The following ZNF208 variants were observed in gnomAD, a reference collection of about 807,000 sequenced individuals.
The protein encoded by ZNF208 is zinc finger protein 208, also known as zinc finger protein 95.
Under a neutral mutation model 12.1 loss-of-function variants are expected in ZNF208, and 10 were observed. The ratio of observed to expected loss-of-function variants is 0.83; its 90% CI spans 0.51 to 1.40. The LOEUF is 1.40. Ranked by LOEUF, ZNF208 falls within the 40% of genes most tolerant of loss-of-function variation. The probability of loss-of-function intolerance (pLI) is 0.00; values close to 1 mark genes in which losing one functional copy is unlikely to be tolerated. For synonymous variants in ZNF208, 497 were observed against 488.4 expected, an observed-to-expected ratio of 1.02 and a Z score of -0.23; for missense variants, 1,652 against 1,485.0, an observed-to-expected ratio of 1.11 and a Z score of -1.85.
At chr19:21,962,415 CTTT>C (rs1568438267), downstream of ZNF208, among the ~76,000 whole-genome samples, 1 of 151,806 alleles carries the variant, frequency 6.6e-6, no homozygotes, top group Non-Finnish European at 1.5e-5. Flanking sequence ...ATTTGGTCAG[CTTT>C]TTTTATATTT....
Position 22,010,724 on chromosome 19 carries a change from C to G in ZNF208, c.3+68G>C. ...CTGCGGGGAGGCCTGAGTCCCGCCA[C>G]AGCCACTTCCCACCGGTTCCAAGCA... On this transcript the variant is annotated intron_variant, in intron 1 of 3. Coordinates refer to ENST00000397126, the MANE Select transcript of ZNF208 (RefSeq NM_007153.3). 5 of 1,613,634 alleles carry G rather than the reference C, an allele frequency of 3.1e-6. No individual in the cohort carries two copies. The South Asian group carries it at 5.5e-5, about 18-fold the overall frequency.
chr19:21,971,961 C>T lies in ZNF208; in HGVS notation c.3073G>A (p.Gly1025Arg). Residue 1025 changes from glycine to arginine, a missense_variant, in exon 4 of 4, where the codon GGA becomes AGA. Around this residue, in one of 3 missense-constraint regions of ZNF208, gnomAD observed 1,239 missense variants for 1,086.2 expected, o/e 1.14. Coordinates refer to ENST00000397126, the MANE Select transcript of ZNF208 (RefSeq NM_007153.3). ...NLMEHKKIHT[G>R]ETPYKCEECD... ...TCTTCACATTTGTAGGGTGTCTCTC[C>T]AGTGTGAATTTTCTTATGTTCCATA... is the stretch of plus-strand genomic sequence containing the variant. 6.3e-7 allele frequency: 1 copy of T among 1,576,396 alleles called. No homozygotes were observed. Among genetic ancestry groups the T allele is most frequent in the African/African-American group, 1.4e-5 (1 of 73,258 alleles).
rs1470213929 is a variant in ZNF208, at chr19:21,968,633, T to C, written c.*2558A>G. ...ATTATTCCAATATTCACCCAGAATA[T>C]TGACCTGTACTTTCCTTTTTTTGTG... On this transcript the variant is annotated 3_prime_UTR_variant, in exon 4 of 4. Transcript: ENST00000397126. The C allele has an allele frequency of 3.3e-5, 5 of 152,152 alleles. No homozygotes were observed. Among genetic ancestry groups the C allele is most frequent in the Non-Finnish European group, 4.4e-5 (3 of 68,014 alleles). 9.4% of individuals were successfully genotyped at this position (152,152 alleles called of 1,614,324 possible).
intron 1 of ZNF208, among the ~76,000 whole-genome samples, chr19:21,994,303 C>T (rs1970791099): frequency 6.6e-6 from 1 of 152,160 alleles, no homozygotes; most frequent in Non-Finnish European, 1.5e-5. Flanking sequence ...TCCTATAATA[C>T]ATACTTTATA....
At chr19:21,948,036 G>A (rs545735062) in intron 4 of ZNF208, among the ~76,000 whole-genome samples, 1 of 152,194 alleles carries the variant, frequency 6.6e-6, no homozygotes, top group East Asian at 1.9e-4. Flanking sequence ...CTGGGAACCA[G>A]AGGGAAAAAA....
intron 4 of ZNF208, among the ~76,000 whole-genome samples, chr19:21,956,349 C>T (rs1599604296): frequency 6.6e-6 from 1 of 152,180 alleles, no homozygotes; most frequent in South Asian, 2.1e-4. Flanking sequence ...GGGAGAACCA[C>T]TACTCTCTTC....
chr19:21,957,730 C>G (rs576096397), intron 4 of ZNF208, among the ~76,000 whole-genome samples: 2 of 152,276 alleles, frequency 1.3e-5, no homozygotes, highest in African/African-American at 4.8e-5. Context: ...GATAGTTACT[C>G]TTGCTGCACT....
Position 21,985,455 on chromosome 19 carries a change from T to C in ZNF208, c.226+1761A>G, listed in dbSNP as rs150070177. Among the ~76,000 whole-genome samples, 389 of 152,272 alleles carry C rather than the reference T, an allele frequency of 2.6e-3. 1 individual carries two copies. Among genetic ancestry groups the C allele is most frequent in the African/African-American group, 9.0e-3 (375 of 41,564 alleles). On this transcript the variant is annotated intron_variant, in intron 3 of 3. Transcript: ENST00000397126. Reference sequence around the variant, plus strand: ...AGAGCTTTGAGATCCAGGGAGGCAATTGTGAAACTTTGCTAAAGCCCAAGA... The same window carrying C: ...AGAGCTTTGAGATCCAGGGAGGCAACTGTGAAACTTTGCTAAAGCCCAAGA...
chr19:21,954,829 T>C (rs1276792357), intron 4 of ZNF208, among the ~76,000 whole-genome samples: 1 of 152,186 alleles, frequency 6.6e-6, no homozygotes, highest in Non-Finnish European at 1.5e-5. Flanking sequence ...ACTTAGCCCA[T>C]TTACATTGAA....
At chr19:22,000,063 C>T (rs1447598019) in intron 1 of ZNF208, among the ~76,000 whole-genome samples, 2 of 152,144 alleles carry the variant, frequency 1.3e-5, no homozygotes, top group Admixed American at 1.3e-4. Flanking sequence ...ATGAATAAAG[C>T]AAGTTCTTAG....
Position 21,971,930 on chromosome 19 carries a change from T to A in ZNF208, c.3104A>T (p.Asp1035Val). 6 of 1,609,198 alleles carry A rather than the reference T, an allele frequency of 3.7e-6. No homozygotes were observed. The highest frequency in any genetic ancestry group is 5.1e-6 in the Non-Finnish European group (6 of 1,179,218). The part of the protein sequence containing the change: ...GETPYKCEEC[D>V]KAFSWPSSLT... ...GCTTGAGGGCCAGCTGAAGGCTTTG[T>A]CACATTCTTCACATTTGTAGGGTGT... Residue 1035 changes from aspartate to valine, a missense_variant, in exon 4 of 4, where the codon GAC (aspartate) becomes GTC (valine). Physicochemically the swap from Asp to Val is radical, Grantham distance 152. Transcript: ENST00000397126.
At chr19:22,005,018 GA>G (rs1971021089) in intron 1 of ZNF208, among the ~76,000 whole-genome samples, 2 of 152,188 alleles carry the variant, frequency 1.3e-5, no homozygotes, top group South Asian at 4.1e-4. Context: ...GCTGTACTCT[GA>G]TTTATTTCTG....
At chr19:21,945,664 T>A (rs1385278407) in intron 4 of ZNF208, among the ~76,000 whole-genome samples, 6 of 152,324 alleles carry the variant, frequency 3.9e-5, no homozygotes, top group Non-Finnish European at 8.8e-5. Context: ...ATTTAATAAT[T>A]TGAATTCAAT....
At chr19:22,007,375 C>G (rs1971062660) in intron 1 of ZNF208, among the ~76,000 whole-genome samples, 1 of 151,540 alleles carries the variant, frequency 6.6e-6, no homozygotes, top group African/African-American at 2.4e-5. Context: ...AAAAAATTTG[C>G]TGGGCGTGGT....
intron 3 of ZNF208, among the ~76,000 whole-genome samples, chr19:21,979,376 T>C (rs1210666617): frequency 6.6e-6 from 1 of 152,172 alleles, no homozygotes; most frequent in Non-Finnish European, 1.5e-5. Context: ...AACAGTGGAT[T>C]TCTCTGCAGA....
downstream of ZNF208, among the ~76,000 whole-genome samples, chr19:21,962,365 T>C (rs1476530281): frequency 6.6e-6 from 1 of 152,162 alleles, no homozygotes. Context: ...ATATTAACTG[T>C]GAGTTATACT....
chr19:21,965,247 T>C (rs1016139760), downstream of ZNF208, among the ~76,000 whole-genome samples: 4 of 152,074 alleles, frequency 2.6e-5, no homozygotes, highest in African/African-American at 9.6e-5. Flanking sequence ...TACACTAAAA[T>C]AAAGTATCAC....
At chr19:21,984,577 C>CA (rs777128808) in intron 3 of ZNF208, among the ~76,000 whole-genome samples, 7 of 150,880 alleles carry the variant, frequency 4.6e-5, no homozygotes, top group Non-Finnish European at 8.8e-5. Context: ...AACAAACAAA[C>CA]AAAAAAAATA....
intron 1 of ZNF208, among the ~76,000 whole-genome samples, chr19:22,000,905 A>T (rs1252063334): frequency 1.3e-5 from 2 of 152,226 alleles, no homozygotes; most frequent in Admixed American, 1.3e-4. Flanking sequence ...TCTGCTATGC[A>T]TATAAACAAA....
Sources: gnomAD v4.1 joint callset for allele counts (sites outside exome capture counted in the v4.1 genomes callset) on GRCh38, gnomAD v4.1.1 for gene constraint, gnomAD v4.1.1 regional missense constraint, MANE v1.5 for transcripts, NCBI Gene and HGNC (gene_info 2026-07-23, HGNC 2026-07-21) for gene names.